The following GRB14 variants were observed in gnomAD, a reference collection of about 807,000 sequenced individuals.
GRB14 encodes growth factor receptor bound protein 14.
Under a neutral mutation model 69.1 loss-of-function variants are expected in GRB14, and 38 were observed. The observed-to-expected ratio is 0.55, with a 90% CI of 0.42 to 0.72. The LOEUF (loss-of-function observed/expected upper bound fraction) is 0.72, where lower values mean the gene tolerates loss of function less well. Among genes scored for constraint, GRB14 ranks in the 30% least tolerant of loss-of-function variants. GRB14 has a pLI of 0.00. For missense variants in GRB14, 666 were observed against 666.1 expected (o/e 1.00, Z 0.00); for synonymous variants, 247 against 241.3 (o/e 1.02, Z -0.22).
intron 2 of GRB14, among the ~76,000 whole-genome samples, chr2:164,600,608 G>A (rs1351378390): frequency 1.3e-5 from 2 of 152,138 alleles, no homozygotes; most frequent in African/African-American, 4.8e-5. Flanking sequence ...GAGTGTCCAA[G>A]GATGAGACCC....
intron 2 of GRB14, among the ~76,000 whole-genome samples, chr2:164,608,292 A>G (rs1455548072): frequency 6.6e-6 from 1 of 152,026 alleles, no homozygotes; most frequent in Non-Finnish European, 1.5e-5. Context: ...GAATCGCTTG[A>G]ACCCAGGAGG....
chr2:164,568,555 G>T, intron 2 of GRB14: 2 of 851,322 alleles, frequency 2.3e-6, no homozygotes, highest in Non-Finnish European at 2.9e-6. Context: ...ATGGCTGTGG[G>T]ACAGGACAAG....
chr2:164,609,110 A>C (rs1690107871), intron 2 of GRB14, among the ~76,000 whole-genome samples: 1 of 152,208 alleles, frequency 6.6e-6, no homozygotes, highest in South Asian at 2.1e-4. Flanking sequence ...TCAGTTACTA[A>C]CTATGGCAGA....
intron 2 of GRB14, among the ~76,000 whole-genome samples, chr2:164,548,117 C>T (rs1022089735): frequency 2.1e-4 from 32 of 152,258 alleles, no homozygotes; most frequent in Admixed American, 1.7e-3. Flanking sequence ...TCATCCCACA[C>T]ATCTGCTACT....
At chr2:164,575,245 G>A (rs962763352) in intron 2 of GRB14, among the ~76,000 whole-genome samples, 2 of 151,980 alleles carry the variant, frequency 1.3e-5, no homozygotes, top group Non-Finnish European at 2.9e-5. Flanking sequence ...TAAAGGCAAC[G>A]GACAATGTTC....
At chr2:164,546,293 A>T (rs182059608) in intron 3 of GRB14, among the ~76,000 whole-genome samples, 17 of 152,322 alleles carry the variant, frequency 1.1e-4, no homozygotes, top group East Asian at 9.7e-4. Flanking sequence ...ATAAAAGAAT[A>T]AAGAAATGAT....
chr2:164,618,212 G>T (rs187902785), intron 2 of GRB14, among the ~76,000 whole-genome samples: 1 of 151,816 alleles, frequency 6.6e-6, no homozygotes, highest in Non-Finnish European at 1.5e-5. Context: ...TGATCTGCCC[G>T]CCTCAGCCTC....
intron 3 of GRB14, among the ~76,000 whole-genome samples, chr2:164,543,753 T>A (rs1343918014): frequency 1.3e-5 from 2 of 152,202 alleles, no homozygotes; most frequent in Non-Finnish European, 2.9e-5. Context: ...AATATGCAAA[T>A]TAAATTGAAC....
At chr2:164,606,804 T>C (rs1229215768) in intron 2 of GRB14, among the ~76,000 whole-genome samples, 1 of 152,208 alleles carries the variant, frequency 6.6e-6, no homozygotes, top group Non-Finnish European at 1.5e-5. Context: ...GTCTTGCCAA[T>C]ACACAGTTAA....
intron 3 of GRB14, among the ~76,000 whole-genome samples, chr2:164,532,166 T>C (rs1344379239): frequency 3.3e-5 from 5 of 152,198 alleles, no homozygotes; most frequent in Non-Finnish European, 7.3e-5. Flanking sequence ...AACCTTCAAC[T>C]GAACACATTT....
At chr2:164,493,623 G>A (rs1363503542) in intron 13 of GRB14, among the ~76,000 whole-genome samples, 6 of 152,170 alleles carry the variant, frequency 3.9e-5, no homozygotes, top group East Asian at 1.9e-4. Context: ...TTATGCTAAT[G>A]GAATGTCATT....
chr2:164,539,475 G>A (rs1297025407), intron 3 of GRB14, among the ~76,000 whole-genome samples: 3 of 149,360 alleles, frequency 2.0e-5, no homozygotes, highest in Non-Finnish European at 3.0e-5. Flanking sequence ...CTCCATCTCG[G>A]AAAAAAAAAA....
intron 6 of GRB14, among the ~76,000 whole-genome samples, chr2:164,514,700 T>G (rs541879668): frequency 1.3e-5 from 2 of 151,812 alleles, no homozygotes; most frequent in Non-Finnish European, 2.9e-5. Context: ...AGACAGAACC[T>G]GGGGGAGGGG....
At chr2:164,602,153 GAGGGAAGGGA>G (rs1233221201) in intron 2 of GRB14, among the ~76,000 whole-genome samples, 10 of 150,980 alleles carry the variant, frequency 6.6e-5, no homozygotes, top group Non-Finnish European at 1.3e-4. Flanking sequence ...AAAAGGAAAG[GAGGGAAGGGA>G]AGAGAAGGGA....
At chr2:164,608,370 A>T (rs1690088446) in intron 2 of GRB14, among the ~76,000 whole-genome samples, 1 of 147,060 alleles carries the variant, frequency 6.8e-6, no homozygotes, top group Non-Finnish European at 1.5e-5. Context: ...GACTCCCTCT[A>T]AAAAAAAAGC....
intron 2 of GRB14, among the ~76,000 whole-genome samples, chr2:164,583,514 A>T (rs527843381): frequency 1.2e-4 from 19 of 152,362 alleles, no homozygotes; most frequent in Admixed American, 2.0e-4. Context: ...GTAGAAAGTG[A>T]ATGAACAGAT....
At chr2:164,591,348 G>A (rs187318724) in intron 2 of GRB14, among the ~76,000 whole-genome samples, 1 of 152,178 alleles carries the variant, frequency 6.6e-6, no homozygotes, top group Admixed American at 6.5e-5. Context: ...AAATCTTGAA[G>A]GTCAAAAAGA....
intron 2 of GRB14, among the ~76,000 whole-genome samples, chr2:164,550,581 G>C (rs971871182): frequency 3.3e-5 from 5 of 152,272 alleles, no homozygotes; most frequent in Non-Finnish European, 7.4e-5. Context: ...TTTACCAGAA[G>C]TATTAAATGG....
chr2:164,581,024 C>A (rs1689391436), intron 2 of GRB14, among the ~76,000 whole-genome samples: 1 of 152,188 alleles, frequency 6.6e-6, no homozygotes, highest in African/African-American at 2.4e-5. Flanking sequence ...ACTACCAGTG[C>A]CTCTTCCCTC....
Sources: allele counts gnomAD v4.1 joint callset (sites outside exome capture counted in the v4.1 genomes callset), GRCh38; gene constraint gnomAD v4.1.1; transcripts MANE v1.5; gene names NCBI Gene and HGNC (gene_info 2026-07-23, HGNC 2026-07-21).